DCC: variants seen among roughly 807,000 people sequenced by gnomAD.
DCC encodes DCC netrin 1 receptor.
In DCC, 58 loss-of-function variants were observed where a neutral mutation model predicts 172.5. The ratio of observed to expected loss-of-function variants is 0.34; its 90% CI spans 0.27 to 0.42. The LOEUF (loss-of-function observed/expected upper bound fraction) is 0.42, where lower values mean the gene tolerates loss of function less well. Ranked by LOEUF, DCC falls within the 10% of genes least tolerant of loss-of-function variation. DCC has a pLI of 1.00. For synonymous variants in DCC, 709 were observed against 644.5 expected (o/e 1.10, Z -1.52); for missense variants, 1,740 against 1,791.0 (o/e 0.97, Z 0.51).
In DCC at chr18:53,335,347, T is replaced by C. The variant is rs373086853; in HGVS notation, c.2165-4366T>C. Among the ~76,000 whole-genome samples the C allele has an allele frequency of 1.1e-4, 17 of 152,296 alleles. No individual in the cohort carries two copies. The South Asian group carries it at 1.7e-3, about 15-fold the overall frequency. ...CTTATTTGTTTATTAGGACTTATGT[T>C]TTGTCTTTCCTCTCCCACCACTATA... On this transcript the variant is annotated intron_variant, in intron 14 of 28. Transcript: ENST00000442544.
chr18:53,041,143 T>C (rs1379822128), intron 5 of DCC, among the ~76,000 whole-genome samples: 4 of 152,116 alleles, frequency 2.6e-5, no homozygotes, highest in Non-Finnish European at 5.9e-5. Flanking sequence ...TTTTATTGTT[T>C]TAGGTCTTAC....
intron 1 of DCC, among the ~76,000 whole-genome samples, chr18:52,467,803 G>T (rs1988830397): frequency 6.6e-6 from 1 of 152,140 alleles, no homozygotes; most frequent in African/African-American, 2.4e-5. Context: ...GACTAGTGAT[G>T]ATGAGCTTTT....
At chr18:52,668,042 GA>G (rs985463243) in intron 1 of DCC, among the ~76,000 whole-genome samples, 2 of 139,878 alleles carry the variant, frequency 1.4e-5, no homozygotes, top group Admixed American at 7.6e-5. Flanking sequence ...AGTAGAGAAG[GA>G]AAAAAAAACA....
At chr18:52,806,553 A>G (rs954218849) in intron 2 of DCC, among the ~76,000 whole-genome samples, 3 of 152,160 alleles carry the variant, frequency 2.0e-5, no homozygotes, top group African/African-American at 4.8e-5. Flanking sequence ...GGGATCACAA[A>G]CTTCTCAGTC....
chr18:52,456,968 A>T (rs757461745), intron 1 of DCC, among the ~76,000 whole-genome samples: 1 of 152,088 alleles, frequency 6.6e-6, no homozygotes, highest in Non-Finnish European at 1.5e-5. Flanking sequence ...TTAAAAAAAT[A>T]GTATTTCCAC....
intron 1 of DCC, among the ~76,000 whole-genome samples, chr18:52,547,967 C>T (rs1383295113): frequency 1.3e-5 from 2 of 152,098 alleles, no homozygotes; most frequent in African/African-American, 2.4e-5. Flanking sequence ...GCCTTAATTA[C>T]AAAACAGGCA....
Position 53,531,765 on chromosome 18 carries a change from G to T in DCC, c.*1112G>T, listed in dbSNP as rs1182029658. 2 of 152,116 alleles carry T rather than the reference G, an allele frequency of 1.3e-5. No individual in the cohort carries two copies. The highest frequency in any genetic ancestry group is 4.8e-5 in the African/African-American group (2 of 41,412). 9.4% of individuals were successfully genotyped at this position (152,116 alleles called of 1,614,324 possible). ...TAAAGAATGCCAACTCTGCCTACAG[G>T]GTCAGTGTTGGCAAGCATTGGCCAC... On this transcript the variant is annotated 3_prime_UTR_variant, in exon 29 of 29. Transcript: ENST00000442544.
chr18:52,886,648 T>C (rs1568168470), intron 2 of DCC, among the ~76,000 whole-genome samples: 1 of 152,280 alleles, frequency 6.6e-6, no homozygotes, highest in East Asian at 1.9e-4. Context: ...AAAACCTCTG[T>C]TTCCTCTGCT....
intron 1 of DCC, among the ~76,000 whole-genome samples, chr18:52,607,011 A>T (rs1245659964): frequency 6.6e-6 from 1 of 152,180 alleles, no homozygotes; most frequent in Admixed American, 6.5e-5. Context: ...CGCATGTTGA[A>T]ATGCTAAAGG....
At chr18:53,042,992 A>G (rs1034684567) in intron 5 of DCC, among the ~76,000 whole-genome samples, 9 of 152,036 alleles carry the variant, frequency 5.9e-5, no homozygotes, top group African/African-American at 1.9e-4. Context: ...ATTATAAATC[A>G]TTCTTCTATA....
At chr18:53,326,657 G>C in intron 14 of DCC, among the ~76,000 whole-genome samples, 1 of 152,232 alleles carries the variant, frequency 6.6e-6, no homozygotes. Context: ...TAATGTATTT[G>C]TGTAAATGTT....
chr18:53,146,956 T>G (rs1317595499), intron 7 of DCC, among the ~76,000 whole-genome samples: 1 of 152,194 alleles, frequency 6.6e-6, no homozygotes, highest in Non-Finnish European at 1.5e-5. Flanking sequence ...TAAAAAAGAC[T>G]TTTAAAAAGA....
At chr18:53,103,530 TA>T (rs2043203203) in intron 7 of DCC, among the ~76,000 whole-genome samples, 1 of 151,998 alleles carries the variant, frequency 6.6e-6, no homozygotes, top group Non-Finnish European at 1.5e-5. Context: ...GTGCCTTCTT[TA>T]AAATAACTCA....
rs983022082 is a variant in DCC, at chr18:53,261,982, G to C, written c.1912-43596G>C. On this transcript the variant is annotated intron_variant, in intron 12 of 28. Coordinates refer to ENST00000442544, the MANE Select transcript of DCC (RefSeq NM_005215.4). The stretch of plus-strand genomic sequence containing the variant: ...AAGCCATGTCTGTGTCTCAGGCTGT[G>C]TGAGAGAAGATGGTGGATTTCCATC... Among the ~76,000 whole-genome samples, 5 of 152,218 alleles carry C rather than the reference G, an allele frequency of 3.3e-5. No individual in the cohort carries two copies. The East Asian group carries it at 9.6e-4, about 29-fold the overall frequency.
At chr18:53,346,920 G>T (rs1054756773) in intron 15 of DCC, among the ~76,000 whole-genome samples, 4 of 151,990 alleles carry the variant, frequency 2.6e-5, no homozygotes, top group Non-Finnish European at 4.4e-5. Context: ...TTGATATATT[G>T]GTTTTAGAAG....
intron 1 of DCC, among the ~76,000 whole-genome samples, chr18:52,719,760 A>G (rs2036444457): frequency 6.6e-6 from 1 of 152,160 alleles, no homozygotes; most frequent in East Asian, 1.9e-4. Context: ...AAACCAGAGG[A>G]TGAGTAGGAG....
chr18:52,609,285 C>T (rs1019060004), intron 1 of DCC, among the ~76,000 whole-genome samples: 8 of 151,928 alleles, frequency 5.3e-5, no homozygotes, highest in African/African-American at 1.9e-4. Flanking sequence ...AAAGTGAATA[C>T]GATTTATCTA....
chr18:53,340,608 G>T (rs1250479457), intron 15 of DCC, among the ~76,000 whole-genome samples: 2 of 152,130 alleles, frequency 1.3e-5, no homozygotes, highest in Non-Finnish European at 2.9e-5. Context: ...CATTCAGAGA[G>T]GTCTAATGTG....
At chr18:52,625,559 C>G (rs1163829331) in intron 1 of DCC, among the ~76,000 whole-genome samples, 1 of 152,116 alleles carries the variant, frequency 6.6e-6, no homozygotes, top group Non-Finnish European at 1.5e-5. Flanking sequence ...ATGTTTCTCT[C>G]TCTACTTCAT....
Sources: allele counts gnomAD v4.1 joint callset (sites outside exome capture counted in the v4.1 genomes callset), GRCh38; gene constraint gnomAD v4.1.1; transcripts MANE v1.5; gene names NCBI Gene and HGNC (gene_info 2026-07-23, HGNC 2026-07-21).